The following NPC1 variants were observed in gnomAD, a reference collection of about 807,000 sequenced individuals.
NPC1 encodes Niemann-Pick C1 protein.
In NPC1, 85 loss-of-function variants were observed where a neutral mutation model predicts 140.4. That is an observed-to-expected ratio of 0.61 (90% CI 0.51 to 0.72). The LOEUF (loss-of-function observed/expected upper bound fraction) is 0.72, where lower values mean the gene tolerates loss of function less well. Ranked by LOEUF, NPC1 falls within the 30% of genes least tolerant of loss-of-function variation. The pLI is 0.00. For synonymous variants in NPC1, 656 were observed against 624.8 expected, an observed-to-expected ratio of 1.05 and a Z score of -0.74; for missense variants, 1,504 against 1,623.8, an observed-to-expected ratio of 0.93 and a Z score of 1.27.
chr18:23,525,147 T>C (rs2058260294), downstream of NPC1, among the ~76,000 whole-genome samples: 1 of 151,398 alleles, frequency 6.6e-6, no homozygotes, highest in Non-Finnish European at 1.5e-5. Context: ...GGTTTTTCCA[T>C]GTTGGTCAGG....
chr18:23,512,697 G>T (rs1598856978), intron 3 of NPC1, among the ~76,000 whole-genome samples: 2 of 151,722 alleles, frequency 1.3e-5, no homozygotes, highest in Non-Finnish European at 2.9e-5. Flanking sequence ...CTCCCAGAGT[G>T]CTGGGATTTA....
chr18:23,544,548 A>G, intron 12 of NPC1, 22 bp from the exon 13 acceptor site: 1 of 1,611,874 alleles, frequency 6.2e-7, no homozygotes, highest in Non-Finnish European at 8.5e-7. Flanking sequence ...GACAGACACA[A>G]TCACCAATTA....
intron 21 of NPC1, among the ~76,000 whole-genome samples, chr18:23,536,215 G>C (rs866919405): frequency 6.6e-6 from 1 of 152,012 alleles, no homozygotes; most frequent in Non-Finnish European, 1.5e-5. Flanking sequence ...CCTTTCTACA[G>C]TTTCTAAATT....
At chr18:23,523,137 G>A (rs564284158) in intron 1 of NPC1, among the ~76,000 whole-genome samples, 1 of 152,290 alleles carries the variant, frequency 6.6e-6, no homozygotes, top group African/African-American at 2.4e-5. Context: ...AGTGCTCTTC[G>A]CCAAAGCTTG....
intron 4 of NPC1, 107 bp from the exon 5 acceptor site, chr18:23,561,634 C>T: frequency 9.1e-7 from 1 of 1,100,960 alleles, no homozygotes; most frequent in Non-Finnish European, 1.4e-6. Flanking sequence ...TCCATATGCA[C>T]CATGCTGGAA....
At chr18:23,534,695 C>A in intron 22 of NPC1, 136 bp from the exon 23 acceptor site, 3 of 722,782 alleles carry the variant, frequency 4.2e-6, no homozygotes, top group Non-Finnish European at 4.9e-6. Context: ...ATTGGACTTA[C>A]AAGGCCTCCA....
intron 10 of NPC1, among the ~76,000 whole-genome samples, chr18:23,551,362 T>C (rs539469233): frequency 2.0e-5 from 3 of 152,306 alleles, no homozygotes; most frequent in East Asian, 1.9e-4. Context: ...AGGTTTGCAA[T>C]TGCATTATTC....
At chr18:23,544,583 G>A (rs980958855) in intron 12 of NPC1, 57 bp from the exon 13 acceptor site, 31 of 1,502,642 alleles carry the variant, frequency 2.1e-5, no homozygotes, top group Non-Finnish European at 2.6e-5. Flanking sequence ...TGTCCCACTT[G>A]TTACTAAAAG....
chr18:23,548,211 T>C lies in NPC1; in HGVS notation c.1655-103A>G, dbSNP rs1015247787. ...CAACACAGATTTCTCACTGGAGCTATGGACTGTATCTCTGGGCTCTAAGAA... is the reference window on the plus strand; with the variant it reads ...CAACACAGATTTCTCACTGGAGCTACGGACTGTATCTCTGGGCTCTAAGAA... On this transcript the variant is annotated intron_variant, in intron 10 of 24. Transcript: ENST00000269228. The C allele has an allele frequency of 3.0e-5, 23 of 759,282 alleles. No individual in the cohort carries two copies. In the East Asian group the frequency reaches 3.2e-4, roughly 11 times the overall value. The allele number at this position is 759,282 out of a possible 1,614,324, so 47.0% of individuals were successfully genotyped here. A position where few individuals can be genotyped will look rare whatever the true frequency, so the allele number is the denominator to read the frequency against.
chr18:23,541,512 T>A, intron 14 of NPC1, 79 bp from the exon 15 acceptor site: 1 of 1,581,674 alleles, frequency 6.3e-7, no homozygotes, highest in Non-Finnish European at 8.7e-7. Context: ...CATGTGCATG[T>A]ACAGATACAA....
chr18:23,581,462 C>G (rs2059354668), intron 1 of NPC1, among the ~76,000 whole-genome samples: 1 of 152,146 alleles, frequency 6.6e-6, no homozygotes. Flanking sequence ...GTGCCATCTA[C>G]TAGCTATGTG....
In NPC1 at chr18:23,533,347, A is replaced by ACT; in HGVS notation, c.3754+6_3754+7dup. ...ATTGTGCCACCCTTTTAAGATGAGA[A>ACT]CTCTTACCTATGTAACTGAGTAAGA... On this transcript the variant is annotated splice_region_variant and intron_variant, in intron 24 of 24. Coordinates refer to ENST00000269228, the MANE Select transcript of NPC1 (RefSeq NM_000271.5). The ACT allele has an allele frequency of 6.2e-7, 1 of 1,612,698 alleles. No individual in the cohort carries two copies. Among genetic ancestry groups the ACT allele is most frequent in the Non-Finnish European group, 8.5e-7 (1 of 1,178,700 alleles).
At position 23,554,937 on chromosome 18, in the gene NPC1, G is replaced by A; in HGVS notation, c.1374C>T (p.Asp458=). Residue 458 remains aspartate, a synonymous_variant, in exon 9 of 25, where the codon GAC becomes GAT. Coordinates refer to ENST00000269228, the MANE Select transcript of NPC1 (RefSeq NM_000271.5). ...IAIENITASY[D]NETVTLQDIC... ...TGTCTTGAAGTGTCACAGTCTCATT[G>A]TCATAAGAGGCAGTAATGTTTTCGA... is the stretch of plus-strand genomic sequence containing the variant. 3.1e-6 allele frequency: 5 copies of A among 1,614,026 alleles called. No individual in the cohort carries two copies. The highest frequency in any genetic ancestry group is 4.2e-6 in the Non-Finnish European group (5 of 1,179,878).
chr18:23,563,922 G>A (rs767221230), intron 4 of NPC1, among the ~76,000 whole-genome samples: 19 of 149,402 alleles, frequency 1.3e-4, no homozygotes, highest in Admixed American at 3.3e-4. Flanking sequence ...TTAGAGAAAT[G>A]TCTACTCTAT....
intron 4 of NPC1, among the ~76,000 whole-genome samples, chr18:23,565,973 CTCACCATTTGGTTT>C (rs897761054): frequency 1.3e-5 from 2 of 152,126 alleles, no homozygotes; most frequent in African/African-American, 4.8e-5. Flanking sequence ...TATCTTCCAG[CTCACCATTTGGTTT>C]TCAGGTTTTA....
At chr18:23,563,987 G>GGTTT (rs2059082942) in intron 4 of NPC1, among the ~76,000 whole-genome samples, 1 of 102,600 alleles carries the variant, frequency 9.7e-6, no homozygotes, top group Non-Finnish European at 1.8e-5. Flanking sequence ...AGTAGTAAGA[G>GGTTT]TTTTTTTTTT....
intron 2 of NPC1, among the ~76,000 whole-genome samples, chr18:23,572,978 G>A (rs963105099): frequency 6.6e-6 from 1 of 151,976 alleles, no homozygotes; most frequent in Admixed American, 6.5e-5. Flanking sequence ...TGTATCACAG[G>A]ATGGTAAAAA....
chr18:23,582,087 T>C (rs2145588035), intron 1 of NPC1: 1 of 152,326 alleles, frequency 6.6e-6, no homozygotes, highest in South Asian at 2.1e-4. Flanking sequence ...TAACTGACTT[T>C]GATCAATTGA....
At chr18:23,548,713 A>C (rs1198700642) in intron 10 of NPC1, among the ~76,000 whole-genome samples, 1 of 152,192 alleles carries the variant, frequency 6.6e-6, no homozygotes, top group African/African-American at 2.4e-5. Flanking sequence ...TTCTATTACA[A>C]AGTTACTATA....
Sources: allele counts gnomAD v4.1 joint callset (sites outside exome capture counted in the v4.1 genomes callset), GRCh38; gene constraint gnomAD v4.1.1; transcripts MANE v1.5; gene names NCBI Gene and HGNC (gene_info 2026-07-23, HGNC 2026-07-21).